The following VSTM2A variants were observed in gnomAD, a reference collection of about 807,000 sequenced individuals.
VSTM2A encodes the protein V-set and transmembrane domain-containing protein 2A.
A neutral mutation model predicts 27.3 loss-of-function variants in VSTM2A; 13 were observed. That is an observed-to-expected ratio of 0.48 (90% CI 0.31 to 0.76). The LOEUF (loss-of-function observed/expected upper bound fraction) is 0.76, where lower values mean the gene tolerates loss of function less well. Ranked by LOEUF, VSTM2A falls within the 30% of genes least tolerant of loss-of-function variation. The pLI is 0.05. For missense variants in VSTM2A, 280 were observed against 310.0 expected, an observed-to-expected ratio of 0.90 and a Z score of 0.73; for synonymous variants, 142 against 125.7, an observed-to-expected ratio of 1.13 and a Z score of -0.87.
intron 4 of VSTM2A, chr7:54,551,154 C>G (rs1788179167): frequency 6.6e-6 from 1 of 151,940 alleles, no homozygotes; most frequent in Non-Finnish European, 1.5e-5. Flanking sequence ...CACACACACA[C>G]ACACACACGC....
chr7:54,567,388 T>G (rs904472525), intron 4 of VSTM2A, among the ~76,000 whole-genome samples: 1 of 152,216 alleles, frequency 6.6e-6, no homozygotes, highest in Non-Finnish European at 1.5e-5. Context: ...TTTTTAGTTA[T>G]AATACTCATG....
intron 4 of VSTM2A, among the ~76,000 whole-genome samples, chr7:54,565,926 G>A (rs1055445753): frequency 3.3e-5 from 5 of 152,058 alleles, no homozygotes; most frequent in African/African-American, 1.2e-4. Flanking sequence ...GGGAGGCAAG[G>A]CCCACACCAC....
chr7:54,545,336 A>G (rs142091426), intron 2 of VSTM2A, among the ~76,000 whole-genome samples: 19 of 147,196 alleles, frequency 1.3e-4, no homozygotes, highest in Non-Finnish European at 2.4e-4. Flanking sequence ...GGAGGGAGAG[A>G]AGGAGAGAAG....
At chr7:54,553,717 C>A in intron 4 of VSTM2A, 2 of 1,095,086 alleles carry the variant, frequency 1.8e-6, no homozygotes, top group Non-Finnish European at 1.3e-6. Context: ...CCAAGCACAA[C>A]TGACTGTGGA....
intron 1 of VSTM2A, 145 bp from the exon 2 acceptor site, chr7:54,544,477 G>T (rs906031880): frequency 5.8e-5 from 56 of 964,246 alleles, no homozygotes; most frequent in Non-Finnish European, 8.9e-5. Flanking sequence ...AAGGAAGGGG[G>T]CTGGGGGAAC....
At position 54,550,187 on chromosome 7, in the gene VSTM2A, C is replaced by T. The variant is rs778072086; in HGVS notation, c.634+17C>T. 1.8e-5 allele frequency: 29 copies of T among 1,576,252 alleles called. No individual in the cohort carries two copies. In the East Asian group the frequency reaches 4.2e-4, roughly 23 times the overall value. ...CACAATCAGGTATGGAAACCCATTT[C>T]GAGCCTTTTATTTTACCACTCACAA... On this transcript the variant is annotated intron_variant, in intron 4 of 4. Coordinates refer to ENST00000402613, the MANE Select transcript of VSTM2A (RefSeq NM_001301009.2).
In VSTM2A at chr7:54,570,117, G is replaced by C. The variant is rs1788846029; in HGVS notation, c.*898G>C. 6.6e-6 allele frequency: 1 copy of C among 152,092 alleles called. No homozygotes were observed. The allele number at this position is 152,092 out of a possible 1,614,324, so 9.4% of individuals were successfully genotyped here. On this transcript the variant is annotated 3_prime_UTR_variant, in exon 5 of 5. Coordinates refer to ENST00000402613, the MANE Select transcript of VSTM2A (RefSeq NM_001301009.2). ...AAAGTGCATATTCAAAATTGTATCA[G>C]TCTCTGATCGATGAATTAATTTTGT...
chr7:54,543,663 C>T (rs1787855744), intron 1 of VSTM2A, among the ~76,000 whole-genome samples: 1 of 152,132 alleles, frequency 6.6e-6, no homozygotes, highest in Admixed American at 6.5e-5. Context: ...TTCCCCATGG[C>T]CCTCTTCTCC....
In VSTM2A at chr7:54,542,601, A is replaced by G; in HGVS notation, c.-130A>G. On this transcript the variant is annotated 5_prime_UTR_variant, in exon 1 of 5. Coordinates refer to ENST00000402613, the MANE Select transcript of VSTM2A (RefSeq NM_001301009.2). ...TTCTCCCCACAGCCAGCCCTCGCCA[A>G]GCAAGCAGCAGGATGTTTGCAGTGT... The G allele has an allele frequency of 2.6e-6, 2 of 771,532 alleles. No homozygotes were observed. The highest frequency in any genetic ancestry group is 2.7e-4 in the Middle Eastern group (1 of 3,686). 47.8% of individuals were successfully genotyped at this position (771,532 alleles called of 1,614,324 possible). A position where few individuals can be genotyped will look rare whatever the true frequency, so the allele number is the denominator to read the frequency against.
At position 54,569,471 on chromosome 7, in the gene VSTM2A, AT is replaced by A; in HGVS notation, c.*255del. On this transcript the variant is annotated 3_prime_UTR_variant, in exon 5 of 5. Coordinates refer to ENST00000402613, the MANE Select transcript of VSTM2A (RefSeq NM_001301009.2). ...GGAATATTTACTATGGATACCACTA[AT>A]TTCCTACTAAAGGACCCAGCATCTT... The A allele has an allele frequency of 1.9e-6, 1 of 521,936 alleles. No individual in the cohort carries two copies. Among genetic ancestry groups the A allele is most frequent in the Non-Finnish European group, 3.3e-6 (1 of 305,730 alleles). The allele number at this position is 521,936 out of a possible 1,614,324, so 32.3% of individuals were successfully genotyped here.
Position 54,542,753 on chromosome 7 carries a change from A to G in VSTM2A, c.23A>G (p.Tyr8Cys). 2 of 1,613,688 alleles carry G rather than the reference A, an allele frequency of 1.2e-6. No individual in the cohort carries two copies. Among genetic ancestry groups the G allele is most frequent in the Non-Finnish European group, 1.7e-6 (2 of 1,179,728 alleles). Residue 8 changes from tyrosine to cysteine, a missense_variant, in exon 1 of 5, where the codon TAT becomes TGT. Transcript: ENST00000402613. ...GGAATGATGGGGATCTTTTTGGTGT[A>G]TGTTGGATTTGTTTTCTTTTCCGTT... Reference protein sequence around the residue: MMGIFLVYVGFVFFSVLY... With the variant: MMGIFLVCVGFVFFSVLY...
intron 3 of VSTM2A, among the ~76,000 whole-genome samples, chr7:54,549,320 A>G (rs189346587): frequency 2.0e-5 from 3 of 152,334 alleles, no homozygotes; most frequent in East Asian, 3.9e-4. Context: ...TTAATATCCA[A>G]GTTCATTAAT....
intron 4 of VSTM2A, among the ~76,000 whole-genome samples, chr7:54,552,697 C>G (rs1788232163): frequency 6.6e-6 from 1 of 152,174 alleles, no homozygotes; most frequent in Admixed American, 6.5e-5. Flanking sequence ...TATCATCCAT[C>G]TTTATTTCAT....
At chr7:54,564,192 G>A (rs1788651751) in intron 4 of VSTM2A, among the ~76,000 whole-genome samples, 1 of 152,190 alleles carries the variant, frequency 6.6e-6, no homozygotes, top group African/African-American at 2.4e-5. Context: ...TTTACTATTG[G>A]AGGATTTCCA....
intron 2 of VSTM2A, 94 bp downstream of exon 2, chr7:54,544,882 C>G (rs1481039824): frequency 3.6e-6 from 5 of 1,384,500 alleles, no homozygotes; most frequent in Non-Finnish European, 4.8e-6. Context: ...TGCCTGGACA[C>G]CCCTGGGGAC....
At chr7:54,547,287 T>C (rs1217445999) in intron 3 of VSTM2A, 3 of 368,646 alleles carry the variant, frequency 8.1e-6, no homozygotes, top group Non-Finnish European at 1.5e-5. Flanking sequence ...TAAGAGTAAA[T>C]ACATTGCTAA....
At position 54,544,667 on chromosome 7, in the gene VSTM2A, A is replaced by G. The variant is rs141178771; in HGVS notation, c.125A>G (p.Gln42Arg). The G allele has an allele frequency of 6.2e-7, 1 of 1,612,892 alleles. No homozygotes were observed. Among genetic ancestry groups the G allele is most frequent in the African/African-American group, 1.3e-5 (1 of 74,946 alleles). The change falls in exon 2 of 5, where the codon CAG (glutamine) becomes CGG (arginine). Residue 42 changes from glutamine (Q) to arginine (R), a missense_variant. Gln to Arg is a conservative substitution (Grantham distance 43, BLOSUM62 1). Transcript: ENST00000402613. ...FPRNVTATEGQNVEMSCAFQS... is the reference protein window; with the variant it reads ...FPRNVTATEGRNVEMSCAFQS... The stretch of plus-strand genomic sequence containing the variant: ...CGGAACGTGACGGCGACCGAGGGGC[A>G]GAATGTGGAGATGTCCTGCGCCTTC...
intron 2 of VSTM2A, among the ~76,000 whole-genome samples, chr7:54,545,577 AAAG>A: frequency 1.6e-5 from 1 of 64,178 alleles, no homozygotes; most frequent in South Asian, 9.0e-4. Context: ...GGAGAGGGAG[AAAG>A]AAGGGGGAGA....
chr7:54,563,231 C>T (rs1010518197), intron 4 of VSTM2A, among the ~76,000 whole-genome samples: 1 of 152,054 alleles, frequency 6.6e-6, no homozygotes, highest in African/African-American at 2.4e-5. Flanking sequence ...AATATTTGTA[C>T]CATCTTAGCT....
Sources: gnomAD v4.1 joint callset for allele counts (sites outside exome capture counted in the v4.1 genomes callset) on GRCh38, gnomAD v4.1.1 for gene constraint, MANE v1.5 for transcripts, NCBI Gene and HGNC (gene_info 2026-07-23, HGNC 2026-07-21) for gene names.